The following TNKS2 variants were observed in gnomAD, a reference collection of about 807,000 sequenced individuals.
TNKS2 encodes tankyrase 2, also known as poly [ADP-ribose] polymerase tankyrase-2.
In TNKS2, 72 loss-of-function variants were observed where a neutral mutation model predicts 137.6. The observed-to-expected ratio is 0.52, with a 90% CI of 0.43 to 0.64. The LOEUF (loss-of-function observed/expected upper bound fraction) is 0.64, where lower values mean the gene tolerates loss of function less well. TNKS2 is among the 30% of genes least tolerant of loss of function. TNKS2 has a pLI of 0.00. For synonymous variants in TNKS2, 516 were observed against 512.1 expected (o/e 1.01, Z -0.10); for missense variants, 1,049 against 1,410.2 (o/e 0.74, Z 4.10).
chr10:91,847,490 G>A (rs1027540977), intron 18 of TNKS2, among the ~76,000 whole-genome samples: 1 of 151,514 alleles, frequency 6.6e-6, no homozygotes, highest in East Asian at 1.9e-4. Flanking sequence ...TCAGCCTCCC[G>A]AGTAGCTGGA....
At chr10:91,817,078 A>G in intron 2 of TNKS2, 56 bp from the exon 3 acceptor site, 1 of 1,256,368 alleles carries the variant, frequency 8.0e-7, no homozygotes, top group Non-Finnish European at 1.1e-6. Flanking sequence ...ATGATTTACT[A>G]AAATCAAGTT....
chr10:91,834,173 A>C (rs1363553599), intron 12 of TNKS2, 149 bp downstream of exon 12: 1 of 542,766 alleles, frequency 1.8e-6, no homozygotes, highest in African/African-American at 1.9e-5. Flanking sequence ...AATCAGCTGA[A>C]TATCCTCAGT....
chr10:91,830,862 G>T, intron 9 of TNKS2, 61 bp from the exon 10 acceptor site: 5 of 1,330,022 alleles, frequency 3.8e-6, no homozygotes, highest in Non-Finnish European at 5.2e-6. Flanking sequence ...TTGGAAACAC[G>T]AATGTTCTTA....
At chr10:91,799,885 GA>G (rs1554833280) in intron 1 of TNKS2, among the ~76,000 whole-genome samples, 3 of 151,994 alleles carry the variant, frequency 2.0e-5, no homozygotes, top group African/African-American at 7.2e-5. Flanking sequence ...ACAATTTTTT[GA>G]AAAATCGGGG....
At position 91,798,831 on chromosome 10, in the gene TNKS2, G is replaced by A; in HGVS notation, c.141G>A (p.Glu47=). 7.4e-7 allele frequency: 1 copy of A among 1,357,818 alleles called. No homozygotes were observed. Among genetic ancestry groups the A allele is most frequent in the Non-Finnish European group, 9.6e-7 (1 of 1,047,074 alleles). 84.1% of individuals were successfully genotyped at this position (1,357,818 alleles called of 1,614,324 possible). The change falls in exon 1 of 27, where the codon GAG becomes GAA. Residue 47 remains glutamate (E), a synonymous_variant. Coordinates refer to ENST00000371627, the MANE Select transcript of TNKS2 (RefSeq NM_025235.4). ...GAGTCAAGAGGCTGGTGACGCCTGAGAAGGTGAACAGCCGCGACACGGCGG... is the reference window on the plus strand; with the variant it reads ...GAGTCAAGAGGCTGGTGACGCCTGAAAAGGTGAACAGCCGCGACACGGCGG... ...VERVKRLVTP[E]KVNSRDTAGR...
At chr10:91,839,445 C>T (rs771577870) in intron 13 of TNKS2, among the ~76,000 whole-genome samples, 5 of 151,722 alleles carry the variant, frequency 3.3e-5, no homozygotes, top group Non-Finnish European at 5.9e-5. Flanking sequence ...CAGGTTCAAG[C>T]GATTCTCCTG....
At chr10:91,831,800 T>G (rs1435767573) in intron 11 of TNKS2, among the ~76,000 whole-genome samples, 1 of 152,154 alleles carries the variant, frequency 6.6e-6, no homozygotes, top group African/African-American at 2.4e-5. Flanking sequence ...GCATCTCAGA[T>G]TGGAAGAGAT....
chr10:91,825,509 G>A lies in TNKS2; in HGVS notation c.796-1508G>A, dbSNP rs193154396. On this transcript the variant is annotated intron_variant, in intron 7 of 26. Coordinates refer to ENST00000371627, the MANE Select transcript of TNKS2 (RefSeq NM_025235.4). Reference sequence around the variant, plus strand: ...ATGAAAGATGAGTGCCCTTTATGATGTCTTTTGCTCCAAAGGCAAATAGAT... The same window carrying A: ...ATGAAAGATGAGTGCCCTTTATGATATCTTTTGCTCCAAAGGCAAATAGAT... 3.8e-3 allele frequency among the ~76,000 whole-genome samples: 573 copies of A among 152,258 alleles called. 2 individuals carry two copies. Among genetic ancestry groups the A allele is most frequent in the Non-Finnish European group, 6.0e-3 (408 of 68,016 alleles).
intron 1 of TNKS2, among the ~76,000 whole-genome samples, chr10:91,801,290 A>T (rs1311414750): frequency 6.6e-6 from 1 of 152,206 alleles, no homozygotes; most frequent in Non-Finnish European, 1.5e-5. Context: ...AAGATAGTCA[A>T]CATAAACAGG....
intron 21 of TNKS2, among the ~76,000 whole-genome samples, chr10:91,852,484 C>T (rs1202309900): frequency 2.0e-5 from 3 of 152,100 alleles, no homozygotes; most frequent in Non-Finnish European, 4.4e-5. Flanking sequence ...GGCGTGAACC[C>T]GGGAGGCGGA....
At chr10:91,842,057 G>A (rs1842223162) in intron 15 of TNKS2, 115 bp from the exon 16 acceptor site, 2 of 586,002 alleles carry the variant, frequency 3.4e-6, no homozygotes, top group Non-Finnish European at 6.0e-6. Flanking sequence ...CTTCAAAGTA[G>A]AGTCTCAATA....
At position 91,859,520 on chromosome 10, in the gene TNKS2, A is replaced by AGGT. The variant is rs1457029850; in HGVS notation, c.3157_3159dup (p.Gly1053dup). The stretch of plus-strand genomic sequence containing the variant: ...GCTTTGATGAAAGGCATGCGTACAT[A>AGGT]GGTGGTATGTTTGGAGCTGGCATTT... On this transcript the variant is annotated inframe_insertion, in exon 25 of 27. Coordinates refer to ENST00000371627, the MANE Select transcript of TNKS2 (RefSeq NM_025235.4). 6.2e-7 allele frequency: 1 copy of AGGT among 1,613,856 alleles called. No individual in the cohort carries two copies. Among genetic ancestry groups the AGGT allele is most frequent in the Non-Finnish European group, 8.5e-7 (1 of 1,179,922 alleles).
At chr10:91,799,497 A>G (rs535179615) in intron 1 of TNKS2, among the ~76,000 whole-genome samples, 2 of 152,324 alleles carry the variant, frequency 1.3e-5, no homozygotes, top group African/African-American at 4.8e-5. Flanking sequence ...GGGAAGCCTT[A>G]GACACACACA....
intron 1 of TNKS2, among the ~76,000 whole-genome samples, chr10:91,801,572 C>A (rs930034774): frequency 1.3e-5 from 2 of 151,950 alleles, no homozygotes; most frequent in Admixed American, 1.3e-4. Flanking sequence ...CTTCCGGGTT[C>A]GACCGATTCT....
At chr10:91,857,879 G>C (rs542476943) in intron 24 of TNKS2, among the ~76,000 whole-genome samples, 4 of 152,144 alleles carry the variant, frequency 2.6e-5, no homozygotes, top group African/African-American at 9.7e-5. Context: ...AATCACCTCA[G>C]AAGAAGGTGT....
Position 91,836,956 on chromosome 10 carries a change from A to G in TNKS2, c.1485A>G (p.Gln495=), listed in dbSNP as rs1192412840. The part of the protein sequence containing the change: ...ISLGNSEADR[Q]LLEAAKAGDV... ...TAGGTAATTCAGAGGCAGACAGACAATTGCTGGAAGCTGCAAAGGCTGGAG... is the reference window on the plus strand; with the variant it reads ...TAGGTAATTCAGAGGCAGACAGACAGTTGCTGGAAGCTGCAAAGGCTGGAG... Residue 495 remains glutamine (Q), a synonymous_variant, in exon 13 of 27, where the codon CAA becomes CAG. Coordinates refer to ENST00000371627, the MANE Select transcript of TNKS2 (RefSeq NM_025235.4). 1.9e-6 allele frequency: 3 copies of G among 1,613,406 alleles called. No individual in the cohort carries two copies. The highest frequency in any genetic ancestry group is 2.7e-5 in the African/African-American group (2 of 74,898).
rs1200651087 is a variant in TNKS2 at position 91,830,863 on chromosome 10, A to G, written c.1105-60A>G. The G allele has an allele frequency of 3.0e-6, 4 of 1,336,594 alleles. No homozygotes were observed. In the African/African-American group the frequency reaches 4.4e-5, roughly 15 times the overall value. The allele number at this position is 1,336,594 out of a possible 1,614,324, so 82.8% of individuals were successfully genotyped here. Reference sequence around the variant, plus strand: ...TTGATTGTTCTTGATTGGAAACACGAATGTTCTTAAAATCAGTTATGTATA... The same window carrying G: ...TTGATTGTTCTTGATTGGAAACACGGATGTTCTTAAAATCAGTTATGTATA... On this transcript the variant is annotated intron_variant, in intron 9 of 26. Coordinates refer to ENST00000371627, the MANE Select transcript of TNKS2 (RefSeq NM_025235.4).
At chr10:91,823,175 T>C (rs1844955692) in intron 7 of TNKS2, among the ~76,000 whole-genome samples, 2 of 149,528 alleles carry the variant, frequency 1.3e-5, no homozygotes, top group African/African-American at 2.6e-5. Context: ...CCACCAGATA[T>C]AATAGCAAGA....
At chr10:91,862,891 C>A in intron 26 of TNKS2, 46 bp from the exon 27 acceptor site, 1 of 1,426,210 alleles carries the variant, frequency 7.0e-7, no homozygotes, top group Non-Finnish European at 9.8e-7. Context: ...GTTTATCTTT[C>A]AAGAAAATTT....
Sources: gnomAD v4.1 joint callset for allele counts (sites outside exome capture counted in the v4.1 genomes callset) on GRCh38, gnomAD v4.1.1 for gene constraint, MANE v1.5 for transcripts, NCBI Gene and HGNC (gene_info 2026-07-23, HGNC 2026-07-21) for gene names.